RGL1: variants seen among roughly 807,000 people sequenced by gnomAD.
The protein encoded by RGL1 is ral guanine nucleotide dissociation stimulator-like 1.
RGL1 carries 24 observed loss-of-function variants against 95.2 expected under a neutral mutation model. The ratio of observed to expected loss-of-function variants is 0.25; its 90% CI spans 0.18 to 0.35. The LOEUF is 0.35. RGL1 is among the 10% of genes least tolerant of loss of function. The pLI, the probability that RGL1 is intolerant of heterozygous loss-of-function variation, is 1.00. For missense variants in RGL1, 715 were observed against 936.3 expected, an observed-to-expected ratio of 0.76 and a Z score of 3.08; for synonymous variants, 329 against 344.9, an observed-to-expected ratio of 0.95 and a Z score of 0.51.
intron 1 of RGL1, among the ~76,000 whole-genome samples, chr1:183,658,056 C>T (rs567373137): frequency 1.7e-4 from 26 of 152,258 alleles, no homozygotes; most frequent in African/African-American, 5.5e-4. Context: ...TTTTTATAAA[C>T]GGGAATTTTT....
At chr1:183,745,249 T>C (rs1397888796) in intron 2 of RGL1, among the ~76,000 whole-genome samples, 1 of 151,592 alleles carries the variant, frequency 6.6e-6, no homozygotes, top group Non-Finnish European at 1.5e-5. Flanking sequence ...TGGAAACTAA[T>C]GTTTTGTTTA....
chr1:183,797,231 C>T (rs1040131542), intron 2 of RGL1, among the ~76,000 whole-genome samples: 19 of 151,970 alleles, frequency 1.3e-4, no homozygotes, highest in East Asian at 3.9e-4. Context: ...TGGGAAGCTG[C>T]GGCAGGAGAA....
At chr1:183,740,489 C>T (rs12407737) in intron 1 of RGL1, among the ~76,000 whole-genome samples, 29 of 152,320 alleles carry the variant, frequency 1.9e-4, no homozygotes, top group Non-Finnish European at 3.2e-4. Context: ...TGACCCGTCA[C>T]GCCTGCCACT....
At chr1:183,642,478 A>G (rs1052002147) in intron 1 of RGL1, among the ~76,000 whole-genome samples, 3 of 152,188 alleles carry the variant, frequency 2.0e-5, no homozygotes, top group Non-Finnish European at 2.9e-5. Context: ...CTTTTTCATT[A>G]TTCCAAATTA....
chr1:183,706,831 T>A (rs185410729), intron 1 of RGL1, among the ~76,000 whole-genome samples: 2 of 152,264 alleles, frequency 1.3e-5, no homozygotes, highest in East Asian at 3.9e-4. Flanking sequence ...ATTAAGAAGG[T>A]CTCGTGTGGT....
chr1:183,819,847 T>TGG (rs1662340188), intron 2 of RGL1, among the ~76,000 whole-genome samples: 1 of 151,704 alleles, frequency 6.6e-6, no homozygotes, highest in Non-Finnish European at 1.5e-5. Context: ...TACAGTGGTG[T>TGG]GATCATAGTT....
At chr1:183,845,602 C>T (rs1299464205) in intron 2 of RGL1, among the ~76,000 whole-genome samples, 20 of 152,216 alleles carry the variant, frequency 1.3e-4, no homozygotes, top group Admixed American at 1.2e-3. Context: ...CACCCACCCA[C>T]CCTTTTCATC....
intron 2 of RGL1, among the ~76,000 whole-genome samples, chr1:183,755,169 G>C (rs1486184045): frequency 7.3e-5 from 11 of 151,660 alleles, no homozygotes; most frequent in Non-Finnish European, 2.9e-5. Context: ...TACTTCACTT[G>C]GTCAGAAAGT....
intron 1 of RGL1, among the ~76,000 whole-genome samples, chr1:183,680,402 A>T (rs563003761): frequency 2.7e-4 from 41 of 152,274 alleles, no homozygotes; most frequent in Middle Eastern, 6.8e-3. Flanking sequence ...ATAAGGTGTA[A>T]GGAAGGGGCC....
chr1:183,673,200 T>C (rs1652587014), intron 1 of RGL1, among the ~76,000 whole-genome samples: 1 of 152,208 alleles, frequency 6.6e-6, no homozygotes, highest in African/African-American at 2.4e-5. Flanking sequence ...TTGAGAACCA[T>C]TGCTCTAGAG....
At chr1:183,919,155 T>C (rs1669168646) in intron 16 of RGL1, among the ~76,000 whole-genome samples, 1 of 152,226 alleles carries the variant, frequency 6.6e-6, no homozygotes, top group Admixed American at 6.5e-5. Flanking sequence ...AATGAACACA[T>C]TGCATGTTAA....
chr1:183,908,763 C>T (rs953691168), intron 14 of RGL1, among the ~76,000 whole-genome samples: 2 of 152,152 alleles, frequency 1.3e-5, no homozygotes, highest in African/African-American at 4.8e-5. Context: ...TCTGGACCCA[C>T]TATGGCAGTC....
At chr1:183,794,055 G>GACACACACAC (rs147087444) in intron 2 of RGL1, among the ~76,000 whole-genome samples, 14 of 145,916 alleles carry the variant, frequency 9.6e-5, no homozygotes, top group Admixed American at 1.4e-4. Context: ...AGAAAATGTG[G>GACACACACAC]ACACACACAC....
intron 1 of RGL1, chr1:183,710,091 C>A: frequency 5.6e-6 from 1 of 179,514 alleles, no homozygotes; most frequent in South Asian, 1.0e-4. Context: ...ACAACTTGCT[C>A]TCCTCCAGGC....
chr1:183,839,779 A>G (rs1342715297), intron 2 of RGL1, among the ~76,000 whole-genome samples: 11 of 152,120 alleles, frequency 7.2e-5, no homozygotes, highest in Admixed American at 6.5e-4. Context: ...TCCCTCTGTC[A>G]TATTGTTTAT....
chr1:183,821,245 C>T (rs1662471986), intron 2 of RGL1, among the ~76,000 whole-genome samples: 3 of 152,062 alleles, frequency 2.0e-5, no homozygotes, highest in Admixed American at 1.3e-4. Flanking sequence ...TTCTACTAGA[C>T]AATGTTGCTC....
chr1:183,733,584 G>A (rs1467027932), intron 1 of RGL1, among the ~76,000 whole-genome samples: 1 of 152,062 alleles, frequency 6.6e-6, no homozygotes, highest in Non-Finnish European at 1.5e-5. Flanking sequence ...GATGAGTATT[G>A]GACCAATTCC....
chr1:183,654,232 A>C (rs567520166), intron 1 of RGL1, among the ~76,000 whole-genome samples: 12 of 152,052 alleles, frequency 7.9e-5, no homozygotes, highest in African/African-American at 2.2e-4. Flanking sequence ...AGGTGTATTC[A>C]TGAACTCCTC....
At chr1:183,784,119 T>G (rs1660035457) in intron 2 of RGL1, among the ~76,000 whole-genome samples, 1 of 152,144 alleles carries the variant, frequency 6.6e-6, no homozygotes, top group Non-Finnish European at 1.5e-5. Flanking sequence ...CAGGGCAAAC[T>G]GGGAGGGACC....
Sources: gnomAD v4.1 joint callset for allele counts (sites outside exome capture counted in the v4.1 genomes callset) on GRCh38, gnomAD v4.1.1 for gene constraint, MANE v1.5 for transcripts, NCBI Gene and HGNC (gene_info 2026-07-23, HGNC 2026-07-21) for gene names.